IQCK: variants seen among roughly 807,000 people sequenced by gnomAD.
The protein encoded by IQCK is IQ motif containing K, also known as IQ domain-containing protein K.
A neutral mutation model predicts 28.1 loss-of-function variants in IQCK; 29 were observed. The ratio of observed to expected loss-of-function variants is 1.03; its 90% confidence interval spans 0.77 to 1.41. The LOEUF is 1.41. Among genes scored for constraint, IQCK ranks in the 40% most tolerant of loss-of-function variants. The pLI is 0.00. For missense variants in IQCK, 359 were observed against 314.7 expected, an observed-to-expected ratio of 1.14 and a Z score of -1.07; for synonymous variants, 113 against 115.1, an observed-to-expected ratio of 0.98 and a Z score of 0.12.
chr16:19,828,231 CTTT>C (rs749049124), downstream of IQCK, among the ~76,000 whole-genome samples: 10,174 of 106,906 alleles, frequency 0.095, 482 homozygotes, highest in East Asian at 0.25. Context: ...TCTTTCTTTT[CTTT>C]TTTTTTTTTT....
chr16:19,841,702 G>A (rs555212323), intron 9 of IQCK, among the ~76,000 whole-genome samples: 3 of 152,166 alleles, frequency 2.0e-5, no homozygotes, highest in South Asian at 4.2e-4. Flanking sequence ...TCTAGCTTTC[G>A]GTTTTTTCAC....
intron 6 of IQCK, among the ~76,000 whole-genome samples, chr16:19,775,409 C>T (rs1247915038): frequency 2.0e-5 from 3 of 152,000 alleles, no homozygotes; most frequent in Non-Finnish European, 4.4e-5. Context: ...TGTCTGTCTT[C>T]GTATTTATAT....
At chr16:19,738,240 CT>C (rs2151687704) in intron 4 of IQCK, among the ~76,000 whole-genome samples, 1 of 152,278 alleles carries the variant, frequency 6.6e-6, no homozygotes, top group East Asian at 1.9e-4. Context: ...GGGAATGTCA[CT>C]ATTACTATGT....
rs1376119039 is a variant in IQCK at position 19,799,340 on chromosome 16, T to G, written c.690+10418T>G. Among the ~76,000 whole-genome samples the G allele has an allele frequency of 7.9e-5, 7 of 88,800 alleles. No individual in the cohort carries two copies. The East Asian group carries it at 2.0e-3, about 25-fold the overall frequency. 58.3% of individuals were successfully genotyped at this position (88,800 alleles called of 152,430 possible). The stretch of plus-strand genomic sequence containing the variant: ...AGGCTGGAGTGCAGTGGTGTGATCT[T>G]GGCTCACTGCAACCTCCGCCTCTGG... On this transcript the variant is annotated intron_variant, in intron 7 of 7. Transcript: ENST00000564186.
At chr16:19,720,294 TC>T (rs1567529489) in intron 1 of IQCK, among the ~76,000 whole-genome samples, 1 of 152,214 alleles carries the variant, frequency 6.6e-6, no homozygotes, top group Non-Finnish European at 1.5e-5. Flanking sequence ...GGTGCTATGA[TC>T]CAAGGAGCTA....
At chr16:19,784,140 G>A (rs895664574) in intron 6 of IQCK, among the ~76,000 whole-genome samples, 1 of 152,098 alleles carries the variant, frequency 6.6e-6, no homozygotes, top group African/African-American at 2.4e-5. Context: ...AGATAAATGA[G>A]TATCTGCCAA....
intron 6 of IQCK, among the ~76,000 whole-genome samples, chr16:19,781,311 C>T (rs1031835912): frequency 3.3e-5 from 5 of 152,096 alleles, no homozygotes; most frequent in Admixed American, 6.6e-5. Context: ...TCTTGCACTT[C>T]GCTGCTTGGC....
intron 6 of IQCK, among the ~76,000 whole-genome samples, chr16:19,784,199 C>T (rs1207318210): frequency 6.6e-6 from 1 of 152,038 alleles, no homozygotes; most frequent in East Asian, 1.9e-4. Context: ...TGATTCTGCA[C>T]CCTCCCTGCC....
intron 7 of IQCK, among the ~76,000 whole-genome samples, chr16:19,817,992 G>A (rs911855693): frequency 2.6e-5 from 4 of 152,140 alleles, no homozygotes; most frequent in African/African-American, 9.7e-5. Flanking sequence ...TCTCATGAAG[G>A]TTATCAGTTG....
At chr16:19,814,236 A>C (rs1311434953) in intron 7 of IQCK, among the ~76,000 whole-genome samples, 4 of 148,482 alleles carry the variant, frequency 2.7e-5, no homozygotes, top group Middle Eastern at 3.5e-3. Context: ...AAAAAAAAAA[A>C]AAAAAAAAAA....
At chr16:19,733,967 G>C (rs1399309521) in intron 3 of IQCK, 140 bp downstream of exon 3, 10 of 739,836 alleles carry the variant, frequency 1.4e-5, no homozygotes, top group Non-Finnish European at 2.1e-5. Context: ...ATTTTTAAGA[G>C]ACATGTCCTT....
chr16:19,810,803 C>CAA (rs1176927256), intron 7 of IQCK, among the ~76,000 whole-genome samples: 53 of 95,046 alleles, frequency 5.6e-4, no homozygotes, highest in African/African-American at 1.8e-3. Context: ...AAGACTCCAG[C>CAA]AAAAAAAAAA....
At position 19,748,121 on chromosome 16, in the gene IQCK, C is replaced by A. The variant is rs2054937964; in HGVS notation, c.474+12671C>A. Among the ~76,000 whole-genome samples the A allele has an allele frequency of 2.1e-5, 3 of 142,876 alleles. No homozygotes were observed. In the Admixed American group the frequency reaches 2.2e-4, roughly 10 times the overall value. 93.7% of individuals were successfully genotyped at this position (142,876 alleles called of 152,430 possible). On this transcript the variant is annotated intron_variant, in intron 4 of 7. Coordinates refer to ENST00000564186, the Ensembl canonical transcript of IQCK. Reference sequence around the variant, plus strand: ...ACAGTGTCTTACTCTGTTGCCCAGGCTGGAGTGCAGTGGTGTTATCGTGGC... The same window carrying A: ...ACAGTGTCTTACTCTGTTGCCCAGGATGGAGTGCAGTGGTGTTATCGTGGC...
chr16:19,734,034 A>T, intron 3 of IQCK: 1 of 496,342 alleles, frequency 2.0e-6, no homozygotes, highest in South Asian at 3.0e-5. Context: ...AAGTAACAAA[A>T]AGCATACTTT....
intron 9 of IQCK, among the ~76,000 whole-genome samples, chr16:19,842,801 T>C (rs2056376204): frequency 6.6e-6 from 1 of 152,246 alleles, no homozygotes. Context: ...CCATCTTTTA[T>C]TATAAATTAT....
chr16:19,724,625 T>G (rs901260402), intron 1 of IQCK, among the ~76,000 whole-genome samples: 1 of 152,118 alleles, frequency 6.6e-6, no homozygotes, highest in Admixed American at 6.5e-5. Flanking sequence ...GCCTCCTGGA[T>G]TCACGCCATT....
chr16:19,845,994 C>A (rs28480243), intron 9 of IQCK, among the ~76,000 whole-genome samples: 3 of 152,074 alleles, frequency 2.0e-5, no homozygotes, highest in Non-Finnish European at 4.4e-5. Flanking sequence ...GGGGGATCAC[C>A]TGAGCCCAGG....
intron 1 of IQCK, 146 bp downstream of exon 1, chr16:19,718,633 ATGG>A (rs1977348575): frequency 2.9e-6 from 2 of 698,924 alleles, no homozygotes; most frequent in Admixed American, 8.6e-5. Flanking sequence ...CATTTTACGC[ATGG>A]GGAAACTGAG....
At chr16:19,820,510 G>A (rs554918151) in intron 7 of IQCK, among the ~76,000 whole-genome samples, 4 of 152,146 alleles carry the variant, frequency 2.6e-5, no homozygotes, top group South Asian at 2.1e-4. Context: ...TTAGCTGGGC[G>A]CAGGGGCGGG....
Sources: allele counts gnomAD v4.1 joint callset (sites outside exome capture counted in the v4.1 genomes callset), GRCh38; gene constraint gnomAD v4.1.1; transcripts MANE v1.5; gene names NCBI Gene and HGNC (gene_info 2026-07-23, HGNC 2026-07-21).